Variants in ASIC2 observed in about 807,000 individuals in gnomAD.
ASIC2 encodes the protein acid sensing ion channel subunit 2, also known as acid-sensing ion channel 2.
ASIC2 carries 25 observed loss-of-function variants against 57.3 expected under a neutral mutation model. That is an observed-to-expected ratio of 0.44 (90% confidence interval 0.32 to 0.61). The LOEUF is 0.61. Among genes scored for constraint, ASIC2 ranks in the 20% least tolerant of loss-of-function variants. The pLI is 0.06. For synonymous variants in ASIC2, 319 were observed against 307.5 expected, an observed-to-expected ratio of 1.04 and a Z score of -0.39; for missense variants, 641 against 738.1, an observed-to-expected ratio of 0.87 and a Z score of 1.52.
intron 3 of ASIC2, among the ~76,000 whole-genome samples, chr17:33,049,324 C>T (rs980869598): frequency 1.3e-5 from 2 of 152,124 alleles, no homozygotes; most frequent in African/African-American, 4.8e-5. Context: ...ATTTATTGGC[C>T]CAGTTTCCCT....
At chr17:33,294,167 CT>C (rs746070965), upstream of ASIC2, among the ~76,000 whole-genome samples, 3 of 152,078 alleles carry the variant, frequency 2.0e-5, no homozygotes, top group Non-Finnish European at 4.4e-5. Context: ...ATTCCCCTTG[CT>C]GGGACAGGGA....
chr17:33,180,240 C>A (rs957114561), intron 1 of ASIC2, among the ~76,000 whole-genome samples: 1 of 152,196 alleles, frequency 6.6e-6, no homozygotes, highest in African/African-American at 2.4e-5. Context: ...AACTAGAAAT[C>A]CCTGAGCATT....
intron 1 of ASIC2, among the ~76,000 whole-genome samples, chr17:33,398,031 T>C (rs1209970026): frequency 6.6e-6 from 1 of 152,192 alleles, no homozygotes; most frequent in Non-Finnish European, 1.5e-5. Flanking sequence ...GTGCAGGGGA[T>C]GGAGGAACTA....
chr17:33,087,492 G>A (rs1461632611), intron 3 of ASIC2, among the ~76,000 whole-genome samples: 2 of 151,926 alleles, frequency 1.3e-5, no homozygotes, highest in East Asian at 3.9e-4. Context: ...TTGGGTACAG[G>A]GCACAGTTTG....
At chr17:33,753,867 T>C (rs183092277) in intron 1 of ASIC2, among the ~76,000 whole-genome samples, 15 of 152,286 alleles carry the variant, frequency 9.8e-5, no homozygotes, top group Non-Finnish European at 1.8e-4. Context: ...AGGCCATATT[T>C]AGGTCACTTT....
At position 33,707,204 on chromosome 17, in the gene ASIC2, G is replaced by A. The variant is rs575715409; in HGVS notation, c.555+448774C>T. 3.3e-5 allele frequency among the ~76,000 whole-genome samples: 5 copies of A among 152,216 alleles called. No homozygotes were observed. In the East Asian group the frequency reaches 9.7e-4, roughly 29 times the overall value. ...GATTTTAATTTTACCCCATTACTCT[G>A]ATATTTTATAATATTTTATTCATTG... On this transcript the variant is annotated intron_variant, in intron 1 of 9. Coordinates refer to the ASIC2 transcript ENST00000359872.
rs1006571894 is a variant in ASIC2 at position 33,114,114 on chromosome 17, C to T, written c.709-2047G>A. Among the ~76,000 whole-genome samples the T allele has an allele frequency of 4.6e-5, 7 of 152,202 alleles. 1 individual carries two copies. In the South Asian group the frequency reaches 6.2e-4, roughly 13 times the overall value. The stretch of plus-strand genomic sequence containing the variant: ...AACATCTATGTTTTTCCTCACTATA[C>T]GAAACAGCTCTGAGTCCCTGGCCAG... On this transcript the variant is annotated intron_variant, in intron 1 of 9. Transcript: ENST00000225823.
intron 1 of ASIC2, among the ~76,000 whole-genome samples, chr17:33,339,640 T>G (rs1681975799): frequency 6.6e-6 from 1 of 152,172 alleles, no homozygotes; most frequent in Non-Finnish European, 1.5e-5. Flanking sequence ...GGGGTTTCCT[T>G]TTCTTCCCTC....
At chr17:33,386,393 G>C (rs1909677966) in intron 1 of ASIC2, among the ~76,000 whole-genome samples, 1 of 152,170 alleles carries the variant, frequency 6.6e-6, no homozygotes, top group Non-Finnish European at 1.5e-5. Context: ...AGCTTTCCAA[G>C]AGTTATTCAT....
chr17:33,613,986 G>A (rs1490030979), intron 1 of ASIC2, among the ~76,000 whole-genome samples: 4 of 152,170 alleles, frequency 2.6e-5, no homozygotes, highest in Admixed American at 2.6e-4. Context: ...TGCTAGCAGT[G>A]GGATTCTTGG....
At chr17:33,732,790 A>T (rs1160035099) in intron 1 of ASIC2, among the ~76,000 whole-genome samples, 1 of 152,098 alleles carries the variant, frequency 6.6e-6, no homozygotes, top group Non-Finnish European at 1.5e-5. Context: ...GGTGTGCACC[A>T]CCAAGCCTGG....
At chr17:33,950,058 A>T (rs1904508833) in intron 1 of ASIC2, among the ~76,000 whole-genome samples, 1 of 152,226 alleles carries the variant, frequency 6.6e-6, no homozygotes, top group Admixed American at 6.5e-5. Context: ...CTTGGAGAAC[A>T]GTCCTGAGGC....
chr17:33,915,706 C>T (rs1295097648), intron 1 of ASIC2, among the ~76,000 whole-genome samples: 1 of 152,230 alleles, frequency 6.6e-6, no homozygotes, highest in African/African-American at 2.4e-5. Context: ...TCTGCCACTC[C>T]TCATAGCATG....
intron 1 of ASIC2, among the ~76,000 whole-genome samples, chr17:33,817,472 T>G (rs1171703787): frequency 6.6e-6 from 1 of 152,174 alleles, no homozygotes; most frequent in Non-Finnish European, 1.5e-5. Flanking sequence ...TTCTGCTTAG[T>G]CTTGGATTGC....
At chr17:33,232,098 G>A (rs763103435) in intron 1 of ASIC2, among the ~76,000 whole-genome samples, 1 of 152,202 alleles carries the variant, frequency 6.6e-6, no homozygotes, top group Non-Finnish European at 1.5e-5. Context: ...AGCTCCGGAA[G>A]TGATGGTATT....
At chr17:33,511,312 T>C (rs1914425480) in intron 1 of ASIC2, among the ~76,000 whole-genome samples, 3 of 152,190 alleles carry the variant, frequency 2.0e-5, no homozygotes, top group Non-Finnish European at 4.4e-5. Flanking sequence ...TTCTGTCTTC[T>C]GCTCAGTCTC....
At chr17:33,975,117 G>A (rs944094933) in intron 1 of ASIC2, among the ~76,000 whole-genome samples, 2 of 152,194 alleles carry the variant, frequency 1.3e-5, no homozygotes, top group African/African-American at 2.4e-5. Context: ...TTTGTTGAAT[G>A]AATGAATGTA....
chr17:33,189,847 T>C (rs1906344545), intron 1 of ASIC2, among the ~76,000 whole-genome samples: 2 of 152,168 alleles, frequency 1.3e-5, no homozygotes, highest in Admixed American at 1.3e-4. Context: ...TCTACAGTTA[T>C]AGTTGGGGAC....
chr17:33,047,220 C>A (rs1417030482), intron 3 of ASIC2, among the ~76,000 whole-genome samples: 1 of 152,172 alleles, frequency 6.6e-6, no homozygotes, highest in Non-Finnish European at 1.5e-5. Context: ...GTTCTTGACC[C>A]CCTTCCCTCT....
Sources: allele counts gnomAD v4.1 joint callset (sites outside exome capture counted in the v4.1 genomes callset), GRCh38; gene constraint gnomAD v4.1.1; transcripts MANE v1.5; gene names NCBI Gene and HGNC (gene_info 2026-07-23, HGNC 2026-07-21).